The following RPS6KC1 variants were observed in gnomAD, a reference collection of about 807,000 sequenced individuals.
The protein encoded by RPS6KC1 is inactive ribosomal protein S6 kinase delta-1.
A neutral mutation model predicts 103.8 loss-of-function variants in RPS6KC1; 54 were observed. The observed-to-expected ratio is 0.52, with a 90% CI of 0.42 to 0.65. The LOEUF (loss-of-function observed/expected upper bound fraction) is 0.65. Among genes scored for constraint, RPS6KC1 ranks in the 30% least tolerant of loss-of-function variants. RPS6KC1 has a pLI of 0.00. For synonymous variants in RPS6KC1, 439 were observed against 438.7 expected (o/e 1.00, Z -0.01); for missense variants, 1,151 against 1,253.8 (o/e 0.92, Z 1.24).
At chr1:213,762,671 A>G in the RPS6KC1 span, among the ~76,000 whole-genome samples, 1 of 152,230 alleles carries the variant, frequency 6.6e-6, no homozygotes, top group Admixed American at 6.5e-5. Context: ...GCCCTTTCTA[A>G]GAATAGAAAA....
the RPS6KC1 span, among the ~76,000 whole-genome samples, chr1:213,425,419 AAG>A: frequency 1.3e-5 from 2 of 152,184 alleles, no homozygotes; most frequent in African/African-American, 2.4e-5. Flanking sequence ...TAGAAAAAAA[AAG>A]AGAGATACAA....
At chr1:213,056,225 G>A (rs1270640964) in intron 1 of RPS6KC1, among the ~76,000 whole-genome samples, 1 of 152,148 alleles carries the variant, frequency 6.6e-6, no homozygotes, top group Non-Finnish European at 1.5e-5. Context: ...ATTTGTCACA[G>A]GGGCCCGGTG....
chr1:213,472,869 T>A, the RPS6KC1 span, among the ~76,000 whole-genome samples: 440 of 152,374 alleles, frequency 2.9e-3, 1 homozygote, highest in African/African-American at 1.0e-2. Flanking sequence ...TTTATGGACC[T>A]ATTCTGATGT....
chr1:213,829,153 C>A, the RPS6KC1 span, among the ~76,000 whole-genome samples: 2 of 150,926 alleles, frequency 1.3e-5, no homozygotes, highest in East Asian at 2.0e-4. Flanking sequence ...CAGCTGTCTC[C>A]ATTTCTATAG....
chr1:213,099,934 C>T (rs1038278064), intron 3 of RPS6KC1, among the ~76,000 whole-genome samples: 2 of 152,144 alleles, frequency 1.3e-5, no homozygotes, highest in Non-Finnish European at 2.9e-5. Context: ...AGTAAATCTA[C>T]AATAAACATC....
chr1:213,629,139 G>A, the RPS6KC1 span, among the ~76,000 whole-genome samples: 5 of 152,166 alleles, frequency 3.3e-5, no homozygotes, highest in African/African-American at 1.2e-4. Flanking sequence ...GGGTATCCTT[G>A]TTAACCTTCT....
chr1:213,769,084 G>A, the RPS6KC1 span, among the ~76,000 whole-genome samples: 47 of 152,260 alleles, frequency 3.1e-4, no homozygotes, highest in Non-Finnish European at 5.7e-4. Context: ...TCTTGACTTA[G>A]CTTTGAGGAG....
chr1:213,240,834 G>C lies in RPS6KC1; in HGVS notation c.1358G>C (p.Ser453Thr), dbSNP rs767464296. 6.2e-7 allele frequency: 1 copy of C among 1,613,922 alleles called. No homozygotes were observed. The highest frequency in any genetic ancestry group is 8.5e-7 in the Non-Finnish European group (1 of 1,179,898). Residue 453 changes from serine to threonine, a missense_variant, in exon 11 of 15, where the codon AGC (serine) becomes ACC (threonine). Around this residue, in one of 3 missense-constraint regions of RPS6KC1, gnomAD observed 959 missense variants for 1,006.3 expected, o/e 0.95. Transcript: ENST00000366960. ...CAGCCAACTTCTAGTCCTCAGGACA[G>C]CAGTAGCTTTGAATCCAGAGGAAGT... ...LQQPTSSPQD[S>T]SSFESRGSDG...
At chr1:213,073,643 A>T (rs2079063012) in intron 2 of RPS6KC1, among the ~76,000 whole-genome samples, 1 of 151,884 alleles carries the variant, frequency 6.6e-6, no homozygotes, top group Non-Finnish European at 1.5e-5. Context: ...ATCCTTTTTT[A>T]AAAAATAGTT....
intron 1 of RPS6KC1, among the ~76,000 whole-genome samples, chr1:213,056,871 TA>T (rs1357256035): frequency 1.3e-5 from 2 of 151,600 alleles, no homozygotes; most frequent in Non-Finnish European, 1.5e-5. Flanking sequence ...TTTTTTTTTT[TA>T]GGCGTTGCTC....
At chr1:213,511,243 G>A in the RPS6KC1 span, among the ~76,000 whole-genome samples, 5 of 151,996 alleles carry the variant, frequency 3.3e-5, no homozygotes, top group Non-Finnish European at 5.9e-5. Flanking sequence ...AAAACTGGGG[G>A]CACTGTTCTC....
At chr1:213,817,345 T>A in the RPS6KC1 span, among the ~76,000 whole-genome samples, 4 of 152,228 alleles carry the variant, frequency 2.6e-5, no homozygotes, top group African/African-American at 9.6e-5. Flanking sequence ...GCTGCCCCAC[T>A]GGGCTGAAGG....
the RPS6KC1 span, among the ~76,000 whole-genome samples, chr1:213,774,065 C>T: frequency 6.6e-6 from 1 of 152,210 alleles, no homozygotes; most frequent in Non-Finnish European, 1.5e-5. Context: ...TCTTCACTCA[C>T]ATCCTCTTTC....
At chr1:213,307,942 G>A in the RPS6KC1 span, among the ~76,000 whole-genome samples, 3 of 152,278 alleles carry the variant, frequency 2.0e-5, no homozygotes, top group Admixed American at 2.0e-4. Flanking sequence ...CCTGTAGTGG[G>A]CAGCAAGTCA....
chr1:213,732,154 T>C, the RPS6KC1 span, among the ~76,000 whole-genome samples: 1 of 152,206 alleles, frequency 6.6e-6, no homozygotes, highest in African/African-American at 2.4e-5. Context: ...GTCTCCACTC[T>C]TTAGAATTGT....
intron 14 of RPS6KC1, among the ~76,000 whole-genome samples, chr1:213,263,896 T>C (rs958927272): frequency 1.6e-4 from 24 of 152,186 alleles, no homozygotes; most frequent in African/African-American, 5.8e-4. Context: ...GTGGAATGGA[T>C]GCTACTTTTG....
At chr1:213,170,916 A>G (rs1558470024) in intron 7 of RPS6KC1, among the ~76,000 whole-genome samples, 1 of 152,218 alleles carries the variant, frequency 6.6e-6, no homozygotes, top group Non-Finnish European at 1.5e-5. Flanking sequence ...AGGCCCCTTT[A>G]GCTCAAATTT....
the RPS6KC1 span, among the ~76,000 whole-genome samples, chr1:213,286,111 G>A: frequency 1.2e-3 from 181 of 152,292 alleles, 1 homozygote; most frequent in African/African-American, 4.2e-3. Flanking sequence ...TGATGTTGTC[G>A]AGAAGTGGTT....
At chr1:213,334,765 C>A in the RPS6KC1 span, among the ~76,000 whole-genome samples, 24 of 152,130 alleles carry the variant, frequency 1.6e-4, no homozygotes, top group South Asian at 4.2e-4. Flanking sequence ...AGATGTATAT[C>A]TCTCTCTCTC....
Sources: allele counts gnomAD v4.1 joint callset (sites outside exome capture counted in the v4.1 genomes callset), GRCh38; gene constraint gnomAD v4.1.1; regional missense constraint gnomAD v4.1.1; transcripts MANE v1.5; gene names NCBI Gene and HGNC (gene_info 2026-07-23, HGNC 2026-07-21).